The following NTRK2 variants were observed in gnomAD, a reference collection of about 807,000 sequenced individuals.
The protein encoded by NTRK2 is BDNF/NT-3 growth factors receptor.
In NTRK2, 13 loss-of-function variants were observed where a neutral mutation model predicts 94.5. The ratio of observed to expected loss-of-function variants is 0.14; its 90% CI spans 0.09 to 0.22. NTRK2 has a LOEUF of 0.22. NTRK2 is among the 10% of genes least tolerant of loss of function. The pLI, the probability that NTRK2 is intolerant of heterozygous loss-of-function variation, is 1.00. For missense variants in NTRK2, 639 were observed against 1,071.2 expected, an observed-to-expected ratio of 0.60 and a Z score of 5.63; for synonymous variants, 372 against 407.4, an observed-to-expected ratio of 0.91 and a Z score of 1.05.
intron 14 of NTRK2, among the ~76,000 whole-genome samples, chr9:84,927,829 AGGC>A (rs1251026947): frequency 9.2e-5 from 14 of 152,276 alleles, no homozygotes; most frequent in African/African-American, 3.4e-4. Flanking sequence ...AGCACAGGTT[AGGC>A]ACCCTGTTGC....
chr9:84,867,468 T>G, intron 14 of NTRK2, 37 bp downstream of exon 14: 1 of 1,543,688 alleles, frequency 6.5e-7, no homozygotes, highest in Non-Finnish European at 9.0e-7. Context: ...TCCCATTTGC[T>G]GCATAGCTGT....
At chr9:84,860,926 T>G in intron 12 of NTRK2, 114 bp from the exon 13 acceptor site, 1 of 504,652 alleles carries the variant, frequency 2.0e-6, no homozygotes, top group Middle Eastern at 3.3e-4. Flanking sequence ...TTTATTTATT[T>G]ATTTATTTTT....
intron 12 of NTRK2, among the ~76,000 whole-genome samples, chr9:84,799,379 C>G (rs1201752782): frequency 6.6e-6 from 1 of 152,042 alleles, no homozygotes. Context: ...CTTTCTTTGC[C>G]AATGCCATTT....
At chr9:84,766,160 T>G (rs1424828614) in intron 12 of NTRK2, among the ~76,000 whole-genome samples, 2 of 151,928 alleles carry the variant, frequency 1.3e-5, no homozygotes, top group African/African-American at 4.8e-5. Flanking sequence ...TGTGTTTAAA[T>G]AGTTAAGAAA....
chr9:84,889,801 T>A (rs1359518008), intron 14 of NTRK2, among the ~76,000 whole-genome samples: 3 of 152,200 alleles, frequency 2.0e-5, no homozygotes, highest in Non-Finnish European at 4.4e-5. Flanking sequence ...TAGGATTTAG[T>A]TTTCAGAAAA....
At chr9:84,890,406 A>G (rs568845763) in intron 14 of NTRK2, among the ~76,000 whole-genome samples, 1 of 152,338 alleles carries the variant, frequency 6.6e-6, no homozygotes, top group South Asian at 2.1e-4. Context: ...GGGGGTACTC[A>G]GAATCTTTTT....
In NTRK2 at chr9:85,021,456, G is replaced by C. The variant is rs760394837; in HGVS notation, c.*19G>C. On this transcript the variant is annotated 3_prime_UTR_variant, in exon 19 of 19. Coordinates refer to ENST00000277120, the MANE Select transcript of NTRK2 (RefSeq NM_006180.6). ...AGGCTAGGGCCCTTTTCCCCAGACC[G>C]ATCCTTCCCAACGTACTCCTCAGAC... The C allele has an allele frequency of 6.2e-7, 1 of 1,613,170 alleles. No individual in the cohort carries two copies. Among genetic ancestry groups the C allele is most frequent in the Non-Finnish European group, 8.5e-7 (1 of 1,179,240 alleles).
At position 84,870,331 on chromosome 9, in the gene NTRK2, G is replaced by GTATGTA. The variant is rs1554757547; in HGVS notation, c.1633+2903_1633+2904insGTATAT. Among the ~76,000 whole-genome samples, 10 of 31,176 alleles carry GTATGTA rather than the reference G, an allele frequency of 3.2e-4. 1 individual carries two copies. The highest frequency in any genetic ancestry group is 7.9e-4 in the African/African-American group (9 of 11,334). The allele number at this position is 31,176 out of a possible 152,430, so 20.5% of individuals were successfully genotyped here. On this transcript the variant is annotated intron_variant, in intron 14 of 18. Coordinates refer to ENST00000277120, the MANE Select transcript of NTRK2 (RefSeq NM_006180.6). Reference sequence around the variant, plus strand: ...ATACATATATGTGGGGTGTGTGTGTGTATATATATATATATATATATATAT... The same window carrying GTATGTA: ...ATACATATATGTGGGGTGTGTGTGTGTATGTATATATATATATATATATATATATAT...
intron 17 of NTRK2, among the ~76,000 whole-genome samples, chr9:84,962,312 C>T (rs909249875): frequency 6.6e-6 from 1 of 152,182 alleles, no homozygotes; most frequent in Non-Finnish European, 1.5e-5. Context: ...CAATCTCTTT[C>T]CTTGATGCAG....
At chr9:84,730,137 T>G (rs1178839436) in intron 9 of NTRK2, among the ~76,000 whole-genome samples, 1 of 152,260 alleles carries the variant, frequency 6.6e-6, no homozygotes, top group Non-Finnish European at 1.5e-5. Flanking sequence ...GTTCATGAAT[T>G]TATTAGGTCC....
chr9:84,966,495 A>G (rs1825572699), intron 17 of NTRK2, among the ~76,000 whole-genome samples: 2 of 152,130 alleles, frequency 1.3e-5, no homozygotes, highest in African/African-American at 4.8e-5. Context: ...GTAATGGCAC[A>G]ATATCAGTTC....
At position 84,934,168 on chromosome 9, in the gene NTRK2, A is replaced by G. The variant is rs2078135940; in HGVS notation, c.1640A>G (p.Gln547Arg). ...NSQLKPDTFV[Q>R]HIKRHNIVLK... ...TTCTGTCTTTGTTTTGCAGTTGTTC[A>G]GCACATCAAGCGACATAACATTGTT... Residue 547 changes from glutamine to arginine, a missense_variant, in exon 15 of 19, where the codon CAG becomes CGG. Coordinates refer to ENST00000277120, the MANE Select transcript of NTRK2 (RefSeq NM_006180.6). 1.2e-6 allele frequency: 2 copies of G among 1,613,888 alleles called. No homozygotes were observed. The highest frequency in any genetic ancestry group is 4.5e-5 in the East Asian group (2 of 44,868).
chr9:84,921,239 A>T (rs536001277), intron 14 of NTRK2, among the ~76,000 whole-genome samples: 35 of 152,316 alleles, frequency 2.3e-4, no homozygotes, highest in African/African-American at 7.2e-4. Flanking sequence ...GGTAAATGTG[A>T]CTTTGTTGTA....
intron 14 of NTRK2, among the ~76,000 whole-genome samples, chr9:84,882,719 T>TGCGCGCGCGC (rs1554762159): frequency 4.3e-4 from 63 of 145,820 alleles, no homozygotes; most frequent in Middle Eastern, 3.5e-3. Context: ...TGTGTGTGTG[T>TGCGCGCGCGC]GCGCGCGCGC....
chr9:84,752,275 C>T (rs1366399141), intron 12 of NTRK2, among the ~76,000 whole-genome samples, 190 bp downstream of exon 12: 1 of 152,194 alleles, frequency 6.6e-6, no homozygotes, highest in Non-Finnish European at 1.5e-5. Flanking sequence ...CAGCACTACC[C>T]ACTTTTCCAT....
In NTRK2 at chr9:84,739,304, G is replaced by A. The variant is rs1208470472; in HGVS notation, c.1160-2588G>A. ...GAGCTAAGATGATCTGCCCGCCTTG[G>A]CCTCCCAAAGTGTTGGGATTACAGG... On this transcript the variant is annotated intron_variant, in intron 9 of 18. Transcript: ENST00000277120. Among the ~76,000 whole-genome samples, 3 of 152,198 alleles carry A rather than the reference G, an allele frequency of 2.0e-5. No individual in the cohort carries two copies. In the East Asian group the frequency reaches 5.8e-4, roughly 29 times the overall value.
chr9:84,750,650 C>T (rs986910506), intron 11 of NTRK2, among the ~76,000 whole-genome samples: 6 of 152,280 alleles, frequency 3.9e-5, no homozygotes, highest in South Asian at 2.1e-4. Flanking sequence ...CATGCTCCAC[C>T]GGCAGAGCTG....
At chr9:84,738,608 G>C (rs2063416304) in intron 9 of NTRK2, among the ~76,000 whole-genome samples, 1 of 152,218 alleles carries the variant, frequency 6.6e-6, no homozygotes, top group African/African-American at 2.4e-5. Context: ...GTTGCTGGAA[G>C]CAAAATACTT....
intron 13 of NTRK2, among the ~76,000 whole-genome samples, chr9:84,864,407 C>T (rs977835640): frequency 6.6e-6 from 1 of 152,110 alleles, no homozygotes; most frequent in Non-Finnish European, 1.5e-5. Context: ...TACGGTGTTG[C>T]TGCTTGGGTG....
Sources: allele counts gnomAD v4.1 joint callset (sites outside exome capture counted in the v4.1 genomes callset), GRCh38; gene constraint gnomAD v4.1.1; transcripts MANE v1.5; gene names NCBI Gene and HGNC (gene_info 2026-07-23, HGNC 2026-07-21).